Variants in RASSF2 observed in about 807,000 individuals in gnomAD.
RASSF2 encodes Ras association domain family member 2, also known as ras association domain-containing protein 2.
RASSF2 carries 34 observed loss-of-function variants against 46.3 expected under a neutral mutation model. The ratio of observed to expected loss-of-function variants is 0.73; its 90% confidence interval spans 0.56 to 0.98. The LOEUF is 0.98. Among genes scored for constraint, RASSF2 ranks in the 50% least tolerant of loss-of-function variants. The pLI, the probability that RASSF2 is intolerant of heterozygous loss-of-function variation, is 0.00. For missense variants in RASSF2, 364 were observed against 431.2 expected (o/e 0.84, Z 1.38); for synonymous variants, 158 against 162.5 (o/e 0.97, Z 0.21).
In RASSF2 at chr20:4,784,287, G is replaced by C; in HGVS notation, c.967C>G (p.Pro323Ala). 1 of 1,613,804 alleles carries C rather than the reference G, an allele frequency of 6.2e-7. No individual in the cohort carries two copies. Among genetic ancestry groups the C allele is most frequent in the Non-Finnish European group, 8.5e-7 (1 of 1,179,782 alleles). The change falls in exon 12 of 12, where the codon CCA becomes GCA. Residue 323 changes from proline to alanine, a missense_variant. Coordinates refer to ENST00000379400, the MANE Select transcript of RASSF2 (RefSeq NM_014737.3). ...RQRLEEIAET[P>A]ATI ...GTTCTCATGGCTCAGATTGTTGCTG[G>C]GGTCTCGGCTATCTCCTCCAGCCTC...
intron 1 of RASSF2, 130 bp from the exon 2 acceptor site, chr20:4,822,533 CTA>C (rs1928768963): frequency 6.6e-6 from 1 of 152,334 alleles, no homozygotes; most frequent in Non-Finnish European, 1.5e-5. Flanking sequence ...CTCAGTCTCC[CTA>C]TGAGGCCACT....
intron 2 of RASSF2, among the ~76,000 whole-genome samples, chr20:4,820,084 G>T (rs1233240431): frequency 1.3e-5 from 2 of 152,164 alleles, no homozygotes; most frequent in Non-Finnish European, 2.9e-5. Context: ...CTTCCCTGGT[G>T]CCTCCTGCCC....
intron 3 of RASSF2, among the ~76,000 whole-genome samples, chr20:4,799,178 T>C (rs1601107088): frequency 6.6e-6 from 1 of 152,164 alleles, no homozygotes; most frequent in South Asian, 2.1e-4. Flanking sequence ...AATTAAAAAA[T>C]AAAAACCCTT....
At position 4,792,560 on chromosome 20, in the gene RASSF2, C is replaced by T; in HGVS notation, c.355G>A (p.Asp119Asn). The change falls in exon 6 of 12, where the codon GAC becomes AAC. Residue 119 changes from aspartate to asparagine, a missense_variant. Asp to Asn is a conservative substitution (Grantham distance 23). Transcript: ENST00000379400. ...GTACCTGTGGAGCTTGGCATCTGGTCACCCTCCGGCGGGGCATCCACCTCT... is the reference window on the plus strand; with the variant it reads ...GTACCTGTGGAGCTTGGCATCTGGTTACCCTCCGGCGGGGCATCCACCTCT... ...ISEVDAPPEG[D>N]QMPSSTDSRG... 1.2e-6 allele frequency: 2 copies of T among 1,614,148 alleles called. No homozygotes were observed. Among genetic ancestry groups the T allele is most frequent in the Non-Finnish European group, 1.7e-6 (2 of 1,180,032 alleles).
chr20:4,798,048 A>G lies in RASSF2; in HGVS notation c.97T>C (p.Tyr33His). ...LLLHLKTYNL[Y>H]YEGQNLQLRH... ...AGCTGTAAATTCTGGCCTTCATAGT[A>G]CAAGTTGTAGGTCTTCAGATGCAAG... The change falls in exon 4 of 12, where the codon TAC becomes CAC. Residue 33 changes from tyrosine to histidine, a missense_variant. Coordinates refer to ENST00000379400, the MANE Select transcript of RASSF2 (RefSeq NM_014737.3). The G allele has an allele frequency of 6.2e-7, 1 of 1,613,952 alleles. No individual in the cohort carries two copies. The highest frequency in any genetic ancestry group is 8.5e-7 in the Non-Finnish European group (1 of 1,179,908).
At position 4,790,078 on chromosome 20, in the gene RASSF2, A is replaced by G. The variant is rs548012404; in HGVS notation, c.537+373T>C. ...CTGCAGCTCTGCTTCAGCTCTGGGA[A>G]AAGCCAGACCATACACCAGCTGGGG... On this transcript the variant is annotated intron_variant, in intron 7 of 11. Transcript: ENST00000379400. The surrounding 1 kb of genome is among the most constrained non-coding windows in gnomAD (Gnocchi z 4.3). 2.6e-5 allele frequency among the ~76,000 whole-genome samples: 4 copies of G among 152,300 alleles called. No homozygotes were observed. Among genetic ancestry groups the G allele is most frequent in the African/African-American group, 9.6e-5 (4 of 41,566 alleles).
Position 4,823,299 on chromosome 20 carries a change from G to C in RASSF2, c.-108+258C>G, listed in dbSNP as rs541922379. ...CCTCGCTCCCAGTGCCCCGCGCCCCGCGCCCCGCGCCTTGCCTTCACCCCG... is the reference window on the plus strand; with the variant it reads ...CCTCGCTCCCAGTGCCCCGCGCCCCCCGCCCCGCGCCTTGCCTTCACCCCG... On this transcript the variant is annotated intron_variant, in intron 1 of 11. Transcript: ENST00000379400. Among the ~76,000 whole-genome samples, 85 of 152,168 alleles carry C rather than the reference G, an allele frequency of 5.6e-4. 2 individuals are homozygous for C. Among genetic ancestry groups the C allele is most frequent in the Admixed American group, 5.0e-3 (76 of 15,298 alleles).
At chr20:4,796,105 C>A in intron 4 of RASSF2, 139 bp from the exon 5 acceptor site, 1 of 824,298 alleles carries the variant, frequency 1.2e-6, no homozygotes, top group Non-Finnish European at 1.7e-6. Flanking sequence ...GGGGCAGCTG[C>A]CCAGTTCACA....
chr20:4,805,761 G>A (rs1277321990), intron 2 of RASSF2, among the ~76,000 whole-genome samples: 1 of 152,152 alleles, frequency 6.6e-6, no homozygotes, highest in Non-Finnish European at 1.5e-5. Context: ...AAGAAGAAGA[G>A]GAAAGTCGTG....
chr20:4,809,222 T>C (rs1269901452), intron 2 of RASSF2, among the ~76,000 whole-genome samples: 1 of 152,182 alleles, frequency 6.6e-6, no homozygotes, highest in Non-Finnish European at 1.5e-5. Flanking sequence ...AAAGACAGCT[T>C]GGGGGTAAGA....
At chr20:4,822,182 G>A (rs1478247801) in intron 2 of RASSF2, 147 bp downstream of exon 2, 1 of 152,160 alleles carries the variant, frequency 6.6e-6, no homozygotes, top group Non-Finnish European at 1.5e-5. Flanking sequence ...CTGTCTTCCC[G>A]GCTGTTTAAA....
At chr20:4,787,583 C>A (rs1325817493) in intron 10 of RASSF2, 50 bp downstream of exon 10, 2 of 1,611,516 alleles carry the variant, frequency 1.2e-6, no homozygotes, top group Admixed American at 1.7e-5. Flanking sequence ...GTGGTCCAAC[C>A]AAATCCCCAC....
intron 3 of RASSF2, 123 bp downstream of exon 3, chr20:4,800,849 A>G (rs536813647): frequency 1.3e-6 from 1 of 797,976 alleles, no homozygotes; most frequent in Non-Finnish European, 2.2e-6. Context: ...TCCTTCCCCC[A>G]TGCAGGAGCC....
At position 4,795,019 on chromosome 20, in the gene RASSF2, C is replaced by T. The variant is rs1027498022; in HGVS notation, c.287+796G>A. ...GGTCACTGTGGTTTTGGCTGAGAGG[C>T]GAGCACACTCCACCCAGGCTGGGGC... On this transcript the variant is annotated intron_variant, in intron 5 of 11. Coordinates refer to ENST00000379400, the MANE Select transcript of RASSF2 (RefSeq NM_014737.3). This position sits in a 1 kb window ranked among gnomAD's most constrained non-coding sequence, Gnocchi z 4.0. Among the ~76,000 whole-genome samples the T allele has an allele frequency of 2.0e-5, 3 of 152,180 alleles. No homozygotes were observed. The highest frequency in any genetic ancestry group is 6.5e-5 in the Admixed American group (1 of 15,282).
rs1927942744 is a variant in RASSF2 at position 4,812,921 on chromosome 20, G to A, written c.-33+9408C>T. ...CCAGCTACCAGCCCACAGCAGGCTG[G>A]GAGGTCTGGGGGATGGGAGGCGAGT... On this transcript the variant is annotated intron_variant, in intron 2 of 11. Transcript: ENST00000379400. This position sits in a 1 kb window ranked among gnomAD's most constrained non-coding sequence, Gnocchi z 4.0. 6.6e-6 allele frequency among the ~76,000 whole-genome samples: 1 copy of A among 152,152 alleles called. No homozygotes were observed. The highest frequency in any genetic ancestry group is 1.5e-5 in the Non-Finnish European group (1 of 68,012).
In RASSF2 at chr20:4,810,946, G is replaced by C. The variant is rs149286200; in HGVS notation, c.-32-9884C>G. Among the ~76,000 whole-genome samples the C allele has an allele frequency of 8.3e-3, 1,258 of 152,266 alleles. 13 individuals are homozygous for C. Among genetic ancestry groups the C allele is most frequent in the Non-Finnish European group, 0.013 (905 of 68,012 alleles). On this transcript the variant is annotated intron_variant, in intron 2 of 11. Coordinates refer to ENST00000379400, the MANE Select transcript of RASSF2 (RefSeq NM_014737.3). ...CAAAGCCTGGACTGAAACCAAGGATGGGGGGCAGTGGGAAGAGGTGGCTTA... is the reference window on the plus strand; with the variant it reads ...CAAAGCCTGGACTGAAACCAAGGATCGGGGGCAGTGGGAAGAGGTGGCTTA...
rs1287541016 is a variant in RASSF2 at position 4,800,533 on chromosome 20, C to T, written c.59+439G>A. 3.3e-5 allele frequency among the ~76,000 whole-genome samples: 5 copies of T among 152,166 alleles called. No homozygotes were observed. In the East Asian group the frequency reaches 9.6e-4, roughly 29 times the overall value. ...CACACCGCGGAGGAAAAACAATCTC[C>T]CTTGGCCTTTTATAAGGGTACTTAG... On this transcript the variant is annotated intron_variant, in intron 3 of 11. Coordinates refer to ENST00000379400, the MANE Select transcript of RASSF2 (RefSeq NM_014737.3).
intron 2 of RASSF2, among the ~76,000 whole-genome samples, chr20:4,804,767 G>C (rs950226835): frequency 6.6e-6 from 1 of 152,168 alleles, no homozygotes; most frequent in African/African-American, 2.4e-5. Context: ...AACGTGCCAA[G>C]CATCGTGCTT....
intron 2 of RASSF2, among the ~76,000 whole-genome samples, chr20:4,818,531 C>A (rs747282322): frequency 2.6e-5 from 4 of 152,210 alleles, no homozygotes; most frequent in Non-Finnish European, 4.4e-5. Context: ...CTCTTCCCAA[C>A]TGAGTGTTCA....
Sources: gnomAD v4.1 joint callset for allele counts (sites outside exome capture counted in the v4.1 genomes callset) on GRCh38, gnomAD v4.1.1 for gene constraint, Gnocchi (gnomAD v3.1) non-coding constraint, MANE v1.5 for transcripts, NCBI Gene and HGNC (gene_info 2026-07-23, HGNC 2026-07-21) for gene names.